TACC2: variants seen among roughly 807,000 people sequenced by gnomAD.
TACC2 encodes the protein transforming acidic coiled-coil containing protein 2.
A neutral mutation model predicts 227.3 loss-of-function variants in TACC2; 137 were observed. The ratio of observed to expected loss-of-function variants is 0.60; its 90% confidence interval spans 0.52 to 0.69. The LOEUF (loss-of-function observed/expected upper bound fraction) is 0.69, where lower values mean the gene tolerates loss of function less well. Among genes scored for constraint, TACC2 ranks in the 30% least tolerant of loss-of-function variants. The pLI, the probability that TACC2 is intolerant of heterozygous loss-of-function variation, is 0.00. For missense variants in TACC2, 3,470 were observed against 3,694.4 expected (o/e 0.94, Z 1.57); for synonymous variants, 1,523 against 1,487.5 (o/e 1.02, Z -0.55).
chr10:122,218,900 T>C (rs2095466493), intron 11 of TACC2, among the ~76,000 whole-genome samples: 1 of 150,904 alleles, frequency 6.6e-6, no homozygotes, highest in Non-Finnish European at 1.5e-5. Context: ...TGTGTCCCTG[T>C]GGTCCCAGCT....
Position 122,209,778 on chromosome 10 carries a change from C to T in TACC2, c.5972-619C>T, listed in dbSNP as rs1364644724. On this transcript the variant is annotated intron_variant, in intron 8 of 22. Coordinates refer to ENST00000369005, the MANE Select transcript of TACC2 (RefSeq NM_206862.4). This position sits in a 1 kb window ranked among gnomAD's most constrained non-coding sequence, Gnocchi z 4.5. ...AATCTCGGCTCTCTGCAACCTCTGG[C>T]TCCCAGGCTCAAGCGATTCTCCTGC... 1 of 155,442 alleles carries T rather than the reference C, an allele frequency of 6.4e-6. No homozygotes were observed. The highest frequency in any genetic ancestry group is 2.4e-5 in the African/African-American group (1 of 41,470). The allele number at this position is 155,442 out of a possible 1,614,324, so 9.6% of individuals were successfully genotyped here. A position where few individuals can be genotyped will look rare whatever the true frequency, so the allele number is the denominator to read the frequency against.
chr10:122,113,879 G>T (rs1824498945), intron 5 of TACC2, among the ~76,000 whole-genome samples: 1 of 152,236 alleles, frequency 6.6e-6, no homozygotes, highest in South Asian at 2.1e-4. Context: ...CTGCCTCGGG[G>T]TGTCCTCGAA....
intron 2 of TACC2, among the ~76,000 whole-genome samples, chr10:122,038,326 A>T (rs2073836041): frequency 6.6e-6 from 1 of 152,332 alleles, no homozygotes; most frequent in Admixed American, 6.5e-5. Flanking sequence ...GACATGAAAA[A>T]AGTGACTTTT....
In TACC2 at chr10:122,249,075, C is replaced by T. The variant is rs1432296611; in HGVS notation, c.8579C>T (p.Ala2860Val). 6.8e-6 allele frequency: 11 copies of T among 1,613,078 alleles called. No individual in the cohort carries two copies. The highest frequency in any genetic ancestry group is 2.2e-5 in the East Asian group (1 of 44,874). ...AATGAAGAGGTGTTGAAGAGATGTGCGCAGGAGTACCTGTCCCGGGTGAAG... is the reference window on the plus strand; with the variant it reads ...AATGAAGAGGTGTTGAAGAGATGTGTGCAGGAGTACCTGTCCCGGGTGAAG... ...RKNEEVLKRCAQEYLSRVKKE... is the reference protein window; with the variant it reads ...RKNEEVLKRCVQEYLSRVKKE... Residue 2860 changes from alanine to valine, a missense_variant, in exon 21 of 23, where the codon GCG (alanine) becomes GTG (valine). Physicochemically the swap from Ala to Val is moderately conservative, Grantham distance 64. Transcript: ENST00000369005.
chr10:122,078,265 G>T (rs1384097769), intron 3 of TACC2, among the ~76,000 whole-genome samples: 1 of 150,230 alleles, frequency 6.7e-6, no homozygotes, highest in Non-Finnish European at 1.5e-5. Flanking sequence ...TTAGTACATG[G>T]CAACTCTCTA....
chr10:122,002,934 G>A (rs1295145789), intron 1 of TACC2, among the ~76,000 whole-genome samples: 1 of 152,106 alleles, frequency 6.6e-6, no homozygotes, highest in Non-Finnish European at 1.5e-5. Flanking sequence ...TGGGCATGGT[G>A]GCTCACACCT....
intron 2 of TACC2, among the ~76,000 whole-genome samples, chr10:122,044,398 C>T (rs911108887): frequency 6.6e-6 from 1 of 152,190 alleles, no homozygotes; most frequent in Admixed American, 6.5e-5. Flanking sequence ...GATGGGCAGC[C>T]GGCTGGCTCT....
chr10:122,080,521 A>G (rs1480386262), intron 3 of TACC2, among the ~76,000 whole-genome samples: 1 of 152,106 alleles, frequency 6.6e-6, no homozygotes, highest in Non-Finnish European at 1.5e-5. Flanking sequence ...GGTGTGAGCC[A>G]TGCACCCGGC....
chr10:122,075,074 A>G (rs991223106), intron 3 of TACC2, among the ~76,000 whole-genome samples: 3 of 152,114 alleles, frequency 2.0e-5, no homozygotes, highest in Non-Finnish European at 4.4e-5. Flanking sequence ...ATTATGAAAT[A>G]GATGCCACAG....
At chr10:122,244,580 G>A (rs2096069821) in intron 19 of TACC2, among the ~76,000 whole-genome samples, 1 of 152,036 alleles carries the variant, frequency 6.6e-6, no homozygotes, top group Admixed American at 6.5e-5. Flanking sequence ...CTTCTTTCTG[G>A]CACGGTTCAG....
intron 7 of TACC2, among the ~76,000 whole-genome samples, chr10:122,185,914 T>C (rs1440389765): frequency 2.0e-5 from 3 of 152,234 alleles, no homozygotes; most frequent in Non-Finnish European, 4.4e-5. Flanking sequence ...TTATTAGTAT[T>C]CATAAGTAAC....
chr10:122,213,467 C>T (rs1046878691), intron 9 of TACC2: 1 of 1,318,218 alleles, frequency 7.6e-7, no homozygotes, highest in Non-Finnish European at 1.1e-6. Context: ...TTTATTTCCC[C>T]TCTGGCTGCT....
chr10:122,135,622 T>G (rs2089456601), intron 6 of TACC2, among the ~76,000 whole-genome samples: 1 of 152,246 alleles, frequency 6.6e-6, no homozygotes, highest in African/African-American at 2.4e-5. Flanking sequence ...GGTCTGACTT[T>G]GGTCACCAGA....
chr10:122,210,364 C>G lies in TACC2; in HGVS notation c.5972-33C>G, dbSNP rs1565627713. On this transcript the variant is annotated intron_variant, in intron 8 of 22. Coordinates refer to ENST00000369005, the MANE Select transcript of TACC2 (RefSeq NM_206862.4). The surrounding 1 kb of genome is among the most constrained non-coding windows in gnomAD (Gnocchi z 4.6). Reference sequence around the variant, plus strand: ...AGAGGTGCCCCAATGCGTCCTGTGTCTGTAATTGATGGCGTTGTCTGTGTT... The same window carrying G: ...AGAGGTGCCCCAATGCGTCCTGTGTGTGTAATTGATGGCGTTGTCTGTGTT... 1 of 1,546,120 alleles carries G rather than the reference C, an allele frequency of 6.5e-7. No individual in the cohort carries two copies. The highest frequency in any genetic ancestry group is 1.7e-5 in the Admixed American group (1 of 59,902).
In TACC2 at chr10:122,132,700, G is replaced by A. The variant is rs1276961485; in HGVS notation, c.5665G>A (p.Val1889Ile). Residue 1889 changes from valine (V) to isoleucine (I), a missense_variant, in exon 6 of 23, where the codon GTT becomes ATT. Coordinates refer to ENST00000369005, the MANE Select transcript of TACC2 (RefSeq NM_206862.4). ...LAASSYHGDV[V>I]GQVSTDLIAQ... The stretch of plus-strand genomic sequence containing the variant: ...TGCCTCTTCCTACCACGGTGATGTT[G>A]TTGGCCAGGTCTCTACGGATCTGAT... 1 of 1,614,168 alleles carries A rather than the reference G, an allele frequency of 6.2e-7. No individual in the cohort carries two copies.
At chr10:122,231,289 G>C (rs182488591) in intron 16 of TACC2, among the ~76,000 whole-genome samples, 1 of 152,104 alleles carries the variant, frequency 6.6e-6, no homozygotes, top group African/African-American at 2.4e-5. Context: ...GGGCGGCCTC[G>C]TTCCCACCCC....
intron 7 of TACC2, among the ~76,000 whole-genome samples, chr10:122,191,087 T>C (rs1378367686): frequency 6.6e-6 from 1 of 152,112 alleles, no homozygotes; most frequent in African/African-American, 2.4e-5. Flanking sequence ...TTGTCTCATC[T>C]GTAAAATGGG....
chr10:122,164,475 T>C (rs1308000435), intron 7 of TACC2, among the ~76,000 whole-genome samples: 1 of 152,236 alleles, frequency 6.6e-6, no homozygotes, highest in Non-Finnish European at 1.5e-5. Context: ...ATCATCCACA[T>C]ACTCTGGTGA....
At chr10:122,062,117 C>G (rs1419570935) in intron 3 of TACC2, among the ~76,000 whole-genome samples, 1 of 151,222 alleles carries the variant, frequency 6.6e-6, no homozygotes, top group Non-Finnish European at 1.5e-5. Flanking sequence ...ACTGCAAGCT[C>G]CGCCTCCCTG....
Sources: gnomAD v4.1 joint callset for allele counts (sites outside exome capture counted in the v4.1 genomes callset) on GRCh38, gnomAD v4.1.1 for gene constraint, Gnocchi (gnomAD v3.1) non-coding constraint, MANE v1.5 for transcripts, NCBI Gene and HGNC (gene_info 2026-07-23, HGNC 2026-07-21) for gene names.